The following SYNE1 variants were observed in gnomAD, a reference collection of about 807,000 sequenced individuals.
SYNE1 encodes the protein spectrin repeat containing nuclear envelope protein 1.
In SYNE1, 616 loss-of-function variants were observed where a neutral mutation model predicts 1,111.0. The ratio of observed to expected loss-of-function variants is 0.55; its 90% confidence interval spans 0.52 to 0.59. SYNE1 has a LOEUF of 0.59. Among genes scored for constraint, SYNE1 ranks in the 20% least tolerant of loss-of-function variants. The pLI, the probability that SYNE1 is intolerant of heterozygous loss-of-function variation, is 0.00. For synonymous variants in SYNE1, 3,855 were observed against 3,825.8 expected (o/e 1.01, Z -0.28); for missense variants, 10,006 against 10,417.0 (o/e 0.96, Z 1.72).
In SYNE1 at chr6:152,472,301, C is replaced by T. The variant is rs747771187; in HGVS notation, c.1463G>A (p.Arg488Lys). Residue 488 changes from arginine (R) to lysine (K), a missense_variant and splice_region_variant, in exon 15 of 146, where the codon AGG (arginine) becomes AAG (lysine). Physicochemically the swap from Arg to Lys is conservative, Grantham distance 26. Around this residue, in one of 7 missense-constraint regions of SYNE1, gnomAD observed 1,971 missense variants for 2,084.1 expected, o/e 0.95. Coordinates refer to ENST00000367255, the MANE Select transcript of SYNE1 (RefSeq NM_182961.4). ...PPDQLEDMAE[R>K]FHFVSSTSEL... ...CCTTTAAATGCAGATATTCTCTTAC[C>T]TCTCGGCCATGTCCTCTAATTGATC... The T allele has an allele frequency of 6.2e-7, 1 of 1,611,154 alleles. No homozygotes were observed. The highest frequency in any genetic ancestry group is 8.5e-7 in the Non-Finnish European group (1 of 1,177,350).
Position 152,130,737 on chromosome 6 carries a change from G to A in SYNE1, c.26136C>T (p.Val8712=). ...GGAGGTACCTGCTATGTGGACTGCT[G>A]ACAGAGGGTCCAGGCTGTGAGAGAC... is the stretch of plus-strand genomic sequence containing the variant. ...KCSLSQPGPS[V]SSPHSRSTKG... is the part of the protein sequence containing the mutation. The change falls in exon 145 of 146, where the codon GTC becomes GTT. Residue 8712 remains valine, a synonymous_variant. Coordinates refer to ENST00000367255, the MANE Select transcript of SYNE1 (RefSeq NM_182961.4). 3 of 1,614,160 alleles carry A rather than the reference G, an allele frequency of 1.9e-6. No homozygotes were observed. Among genetic ancestry groups the A allele is most frequent in the Non-Finnish European group, 2.5e-6 (3 of 1,180,030 alleles).
At chr6:152,291,341 T>C (rs2094598652) in intron 95 of SYNE1, among the ~76,000 whole-genome samples, 3 of 151,324 alleles carry the variant, frequency 2.0e-5, no homozygotes, top group Non-Finnish European at 4.4e-5. Flanking sequence ...TGACTGGTAA[T>C]CTTCACTAAA....
chr6:152,199,689 C>T (rs2074997024), intron 127 of SYNE1, among the ~76,000 whole-genome samples: 1 of 152,068 alleles, frequency 6.6e-6, no homozygotes, highest in South Asian at 2.1e-4. Flanking sequence ...CTTTATGTGT[C>T]TTTACACGGT....
chr6:152,417,057 C>A, intron 40 of SYNE1, 42 bp from the exon 41 acceptor site: 1 of 1,609,920 alleles, frequency 6.2e-7, no homozygotes, highest in South Asian at 1.1e-5. Flanking sequence ...AGATACACTA[C>A]AGTCTATGGC....
intron 3 of SYNE1, chr6:152,546,421 G>A (rs1290062563): frequency 6.6e-6 from 1 of 151,030 alleles, no homozygotes; most frequent in East Asian, 2.0e-4. Context: ...CCTTGAGTCT[G>A]GGCTGGCATT....
At chr6:152,575,058 T>C (rs1425404412) in intron 3 of SYNE1, among the ~76,000 whole-genome samples, 4 of 152,248 alleles carry the variant, frequency 2.6e-5, no homozygotes, top group Non-Finnish European at 5.9e-5. Flanking sequence ...ATGTAAGAAC[T>C]CTTCCATCTA....
intron 59 of SYNE1, among the ~76,000 whole-genome samples, chr6:152,370,378 C>T (rs1456219226): frequency 6.6e-6 from 1 of 152,086 alleles, no homozygotes; most frequent in Admixed American, 6.5e-5. Context: ...TGTTAGTCAA[C>T]ATTTGGTTGA....
At chr6:152,363,005 C>T (rs560342857) in intron 63 of SYNE1, among the ~76,000 whole-genome samples, 56 of 151,018 alleles carry the variant, frequency 3.7e-4, no homozygotes, top group African/African-American at 1.3e-3. Flanking sequence ...CTCAGCCGCC[C>T]GAGTAGCTGG....
intron 104 of SYNE1, among the ~76,000 whole-genome samples, chr6:152,250,936 T>C (rs989621712): frequency 3.3e-4 from 50 of 152,172 alleles, no homozygotes; most frequent in African/African-American, 5.3e-4. Context: ...ATTTCCTGTA[T>C]GCCAGTTTTA....
intron 87 of SYNE1, among the ~76,000 whole-genome samples, chr6:152,314,813 T>C (rs2095658791): frequency 6.6e-6 from 1 of 150,760 alleles, no homozygotes; most frequent in African/African-American, 2.4e-5. Context: ...TAGCCAGGTG[T>C]GATGGCACGT....
At position 152,441,964 on chromosome 6, in the gene SYNE1, G is replaced by A. The variant is rs1190014835; in HGVS notation, c.4008+111C>T. 4 of 1,283,636 alleles carry A rather than the reference G, an allele frequency of 3.1e-6. No homozygotes were observed. In the East Asian group the frequency reaches 9.2e-5, roughly 30 times the overall value. The allele number at this position is 1,283,636 out of a possible 1,614,324, so 79.5% of individuals were successfully genotyped here. On this transcript the variant is annotated intron_variant, in intron 31 of 145. Coordinates refer to ENST00000367255, the MANE Select transcript of SYNE1 (RefSeq NM_182961.4). ...GGTTCATGTACAGAATTTAACACAG[G>A]GCTGAAACATCAGAGGCGGTAACAA...
intron 9 of SYNE1, among the ~76,000 whole-genome samples, chr6:152,504,569 C>T (rs1054446096): frequency 2.6e-5 from 4 of 152,120 alleles, no homozygotes; most frequent in African/African-American, 9.7e-5. Flanking sequence ...ATTGCCAGCC[C>T]AAATAAGAAA....
At chr6:152,632,974 C>T (rs2099700446) in intron 2 of SYNE1, among the ~76,000 whole-genome samples, 1 of 152,072 alleles carries the variant, frequency 6.6e-6, no homozygotes, top group Non-Finnish European at 1.5e-5. Context: ...AATAGCAGCA[C>T]AAGGCAGAGC....
Position 152,151,703 on chromosome 6 carries a change from A to G in SYNE1, c.24313-13T>C, listed in dbSNP as rs761248167. 1.2e-6 allele frequency: 2 copies of G among 1,613,222 alleles called. No homozygotes were observed. The highest frequency in any genetic ancestry group is 2.2e-5 in the South Asian group (2 of 90,870). On this transcript the variant is annotated splice_polypyrimidine_tract_variant and intron_variant, in intron 134 of 145. Transcript: ENST00000367255. ...GGCCAATAAAATGCTGGAAGGCAAG[A>G]GGAAAGTAGTAACAATTATTTTTAT...
At chr6:152,488,747 C>T (rs944208564) in intron 11 of SYNE1, among the ~76,000 whole-genome samples, 2 of 148,384 alleles carry the variant, frequency 1.3e-5, no homozygotes, top group African/African-American at 5.0e-5. Context: ...TGCCAAGTAA[C>T]GCTAATTTAA....
chr6:152,585,139 C>T (rs1240471976), intron 3 of SYNE1, among the ~76,000 whole-genome samples: 1 of 152,194 alleles, frequency 6.6e-6, no homozygotes, highest in Non-Finnish European at 1.5e-5. Flanking sequence ...TCCCCTATTG[C>T]TCGGCAGTTC....
intron 55 of SYNE1, among the ~76,000 whole-genome samples, chr6:152,383,550 C>A (rs2097464254): frequency 6.6e-6 from 1 of 152,164 alleles, no homozygotes; most frequent in Non-Finnish European, 1.5e-5. Flanking sequence ...GCCTCAGTGG[C>A]ATCACACCCT....
intron 130 of SYNE1, among the ~76,000 whole-genome samples, chr6:152,173,268 ATCTTTT>A (rs2065643923): frequency 6.6e-6 from 1 of 152,206 alleles, no homozygotes; most frequent in African/African-American, 2.4e-5. Flanking sequence ...TTATCAGTAA[ATCTTTT>A]TCTTTTCTTT....
rs2098470554 is a variant in SYNE1, at chr6:152,435,960, C to G, written c.4291G>C (p.Glu1431Gln). The change falls in exon 33 of 146, where the codon GAA becomes CAA. Residue 1431 changes from glutamate to glutamine, a missense_variant. Around this residue, in one of 7 missense-constraint regions of SYNE1, gnomAD observed 1,971 missense variants for 2,084.1 expected, o/e 0.95. Coordinates refer to ENST00000367255, the MANE Select transcript of SYNE1 (RefSeq NM_182961.4). ...ACATACTCTTCTTCAAGCGTGTCTT[C>G]TAATTTTTTGACTTGTTCTTTGATT... ...KSIKEQVKKL[E>Q]DTLEEDIKTM... 6.2e-7 allele frequency: 1 copy of G among 1,613,980 alleles called. No individual in the cohort carries two copies.
Sources: gnomAD v4.1 joint callset for allele counts (sites outside exome capture counted in the v4.1 genomes callset) on GRCh38, gnomAD v4.1.1 for gene constraint, gnomAD v4.1.1 regional missense constraint, MANE v1.5 for transcripts, NCBI Gene and HGNC (gene_info 2026-07-23, HGNC 2026-07-21) for gene names.